The following PKHD1 variants were observed in gnomAD, a reference collection of about 807,000 sequenced individuals.
PKHD1 encodes the protein PKHD1 ciliary IPT domain containing fibrocystin/polyductin.
PKHD1 carries 291 observed loss-of-function variants against 412.0 expected under a neutral mutation model. The observed-to-expected ratio is 0.71, with a 90% CI of 0.64 to 0.78. PKHD1 has a LOEUF of 0.78. Among genes scored for constraint, PKHD1 ranks in the 30% least tolerant of loss-of-function variants. PKHD1 has a pLI of 0.00. For synonymous variants in PKHD1, 1,777 were observed against 1,821.5 expected (o/e 0.98, Z 0.62); for missense variants, 4,825 against 4,950.7 (o/e 0.97, Z 0.76).
chr6:51,948,473 T>A (rs1030643844), intron 36 of PKHD1, among the ~76,000 whole-genome samples: 17 of 152,200 alleles, frequency 1.1e-4, no homozygotes, highest in Non-Finnish European at 2.2e-4. Flanking sequence ...TCACCTCTCC[T>A]GCTGCATTTT....
chr6:52,017,838 A>T (rs564073052), intron 33 of PKHD1, among the ~76,000 whole-genome samples: 3 of 152,374 alleles, frequency 2.0e-5, no homozygotes, highest in East Asian at 3.8e-4. Context: ...ATCATAAAAA[A>T]AACTCAAGTG....
Position 51,881,974 on chromosome 6 carries a change from C to G in PKHD1, c.7350+1119G>C, listed in dbSNP as rs143797321. On this transcript the variant is annotated intron_variant, in intron 46 of 66. Transcript: ENST00000371117. ...TTTTTGATTATCTCATGATAGCCAC[C>G]CTTTTGTCATAATTTACATCTTAAT... Among the ~76,000 whole-genome samples, 449 of 152,268 alleles carry G rather than the reference C, an allele frequency of 2.9e-3. 1 individual carries two copies. Among genetic ancestry groups the G allele is most frequent in the African/African-American group, 5.2e-3 (214 of 41,536 alleles).
At chr6:51,652,151 T>C (rs577018160) in intron 61 of PKHD1, among the ~76,000 whole-genome samples, 153 of 152,234 alleles carry the variant, frequency 1.0e-3, no homozygotes, top group Non-Finnish European at 4.7e-4. Flanking sequence ...TTTACCATTA[T>C]TTAATAGCTT....
intron 61 of PKHD1, among the ~76,000 whole-genome samples, chr6:51,657,320 A>G (rs1208807449): frequency 7.2e-5 from 11 of 152,018 alleles, no homozygotes. Flanking sequence ...GTTTTTTATC[A>G]TACTGTGCAA....
chr6:51,645,986 C>A (rs1347919819), intron 63 of PKHD1, among the ~76,000 whole-genome samples: 1 of 152,100 alleles, frequency 6.6e-6, no homozygotes, highest in Non-Finnish European at 1.5e-5. Flanking sequence ...ATTTTTAATC[C>A]ATTTGAATTC....
chr6:51,659,710 G>A lies in PKHD1; in HGVS notation c.10416C>T (p.Cys3472=). The change falls in exon 61 of 67, where the codon TGC becomes TGT. Residue 3472 remains cysteine, a synonymous_variant. Transcript: ENST00000371117. ...ILPIRQITKV[C]FMDQTPQVLR... Reference sequence around the variant, plus strand: ...AAACTTGAGGAGTTTGATCCATGAAGCAGACTTTGGTGATTTGCCTGATGG... The same window carrying A: ...AAACTTGAGGAGTTTGATCCATGAAACAGACTTTGGTGATTTGCCTGATGG... The A allele has an allele frequency of 1.2e-6, 2 of 1,613,840 alleles. No individual in the cohort carries two copies. The highest frequency in any genetic ancestry group is 1.7e-6 in the Non-Finnish European group (2 of 1,179,872).
intron 40 of PKHD1, among the ~76,000 whole-genome samples, chr6:51,908,056 C>T (rs962626531): frequency 6.6e-6 from 1 of 151,942 alleles, no homozygotes; most frequent in African/African-American, 2.4e-5. Context: ...ACTGAATTGG[C>T]CGCATGTCAA....
At chr6:51,912,068 T>A (rs1783041484) in intron 38 of PKHD1, 112 bp from the exon 39 acceptor site, 1 of 894,532 alleles carries the variant, frequency 1.1e-6, no homozygotes, top group Non-Finnish European at 1.8e-6. Context: ...TCATGTTTCT[T>A]TAGAAACTCA....
chr6:51,904,000 T>A lies in PKHD1; in HGVS notation c.6851A>T (p.His2284Leu). Residue 2284 changes from histidine to leucine, a missense_variant, in exon 42 of 67, where the codon CAT becomes CTT. Coordinates refer to ENST00000371117, the MANE Select transcript of PKHD1 (RefSeq NM_138694.4). ...EMRYISWEAI[H>L]GRKDDWSGHG... The stretch of plus-strand genomic sequence containing the variant: ...TACATATTTACCATCTTTCCTTCCA[T>A]GAATTGCCTCCCAGGAGATATATCT... 1 of 1,586,288 alleles carries A rather than the reference T, an allele frequency of 6.3e-7. No individual in the cohort carries two copies. The highest frequency in any genetic ancestry group is 8.7e-7 in the Non-Finnish European group (1 of 1,154,858).
Position 52,069,495 on chromosome 6 carries a change from C to T in PKHD1, c.740G>A (p.Ser247Asn). 1 of 1,613,572 alleles carries T rather than the reference C, an allele frequency of 6.2e-7. No individual in the cohort carries two copies. The highest frequency in any genetic ancestry group is 8.5e-7 in the Non-Finnish European group (1 of 1,179,522). ...GTATAGGAAAAGATCCTGTTTAGCA[C>T]TGATCAGCCATGCCTTCTTGTGGAC... ...SMVHKKAWLI[S>N]AKQDLFLYQT... The change falls in exon 11 of 67, where the codon AGT (serine) becomes AAT (asparagine). Residue 247 changes from serine (S) to asparagine (N), a missense_variant. Transcript: ENST00000371117.
chr6:51,702,931 T>C (rs1433956494), intron 60 of PKHD1, among the ~76,000 whole-genome samples: 4 of 141,592 alleles, frequency 2.8e-5, no homozygotes, highest in Admixed American at 7.5e-5. Context: ...TTCAATTAAA[T>C]AGGTGTTAAG....
At chr6:51,672,126 T>G (rs1323367332) in intron 60 of PKHD1, among the ~76,000 whole-genome samples, 1 of 152,212 alleles carries the variant, frequency 6.6e-6, no homozygotes, top group Non-Finnish European at 1.5e-5. Flanking sequence ...TCCTCATGTT[T>G]TAGATTATGT....
intron 52 of PKHD1, among the ~76,000 whole-genome samples, chr6:51,795,866 G>A (rs948680377): frequency 2.0e-5 from 3 of 152,086 alleles, no homozygotes; most frequent in Admixed American, 6.6e-5. Context: ...TTCCAGGGAC[G>A]AAGACTACTT....
intron 36 of PKHD1, among the ~76,000 whole-genome samples, chr6:51,944,337 G>C (rs55638978): frequency 6.6e-6 from 1 of 151,446 alleles, no homozygotes; most frequent in Admixed American, 6.6e-5. Flanking sequence ...CTCTCTTTTC[G>C]GACTCAGCCC....
chr6:51,737,841 T>C (rs1434479877), intron 60 of PKHD1, among the ~76,000 whole-genome samples: 1 of 152,122 alleles, frequency 6.6e-6, no homozygotes, highest in Non-Finnish European at 1.5e-5. Flanking sequence ...ATGATCCTAA[T>C]GATAAGTCAG....
chr6:51,815,625 A>G (rs938049910), intron 52 of PKHD1, among the ~76,000 whole-genome samples: 1 of 152,046 alleles, frequency 6.6e-6, no homozygotes, highest in African/African-American at 2.4e-5. Flanking sequence ...ACAGCAGACG[A>G]TGAGGCCAGA....
intron 27 of PKHD1, among the ~76,000 whole-genome samples, chr6:52,036,781 T>C (rs971101571): frequency 6.6e-6 from 1 of 152,164 alleles, no homozygotes; most frequent in African/African-American, 2.4e-5. Flanking sequence ...GAAATACTCT[T>C]GAAGAACTTA....
At chr6:51,676,937 G>C (rs759524061) in intron 60 of PKHD1, among the ~76,000 whole-genome samples, 6 of 152,128 alleles carry the variant, frequency 3.9e-5, no homozygotes, top group Non-Finnish European at 7.4e-5. Flanking sequence ...TATTGAGAGT[G>C]ATGTTCTTAA....
At chr6:51,950,950 G>C (rs1170330369) in intron 36 of PKHD1, among the ~76,000 whole-genome samples, 1 of 152,052 alleles carries the variant, frequency 6.6e-6, no homozygotes, top group Non-Finnish European at 1.5e-5. Context: ...CTTTAGAGAT[G>C]ACTATAAGAG....
Sources: allele counts gnomAD v4.1 joint callset (sites outside exome capture counted in the v4.1 genomes callset), GRCh38; gene constraint gnomAD v4.1.1; transcripts MANE v1.5; gene names NCBI Gene and HGNC (gene_info 2026-07-23, HGNC 2026-07-21).